The following DOK7 variants were observed in gnomAD, a reference collection of about 807,000 sequenced individuals.
The protein encoded by DOK7 is protein Dok-7.
A neutral mutation model predicts 30.7 loss-of-function variants in DOK7; 32 were observed. The ratio of observed to expected loss-of-function variants is 1.04; its 90% CI spans 0.79 to 1.40. The LOEUF is 1.40. DOK7 is among the 40% of genes most tolerant of loss of function. The pLI, the probability that DOK7 is intolerant of heterozygous loss-of-function variation, is 0.00. For missense variants in DOK7, 1,007 were observed against 699.2 expected (o/e 1.44, Z -4.97); for synonymous variants, 447 against 324.1 (o/e 1.38, Z -4.07).
chr4:3,465,593 C>G (rs551568711), intron 2 of DOK7, among the ~76,000 whole-genome samples: 1 of 152,232 alleles, frequency 6.6e-6, no homozygotes, highest in Non-Finnish European at 1.5e-5. Context: ...CTCCTCCTTG[C>G]GTTTTTCTCA....
intron 2 of DOK7, among the ~76,000 whole-genome samples, chr4:3,466,220 G>T (rs978545979): frequency 6.6e-6 from 1 of 152,170 alleles, no homozygotes; most frequent in African/African-American, 2.4e-5. Flanking sequence ...CCCACAGCTG[G>T]CTGGAAGTTC....
downstream of DOK7, chr4:3,496,849 G>T: frequency 6.5e-7 from 1 of 1,535,264 alleles, no homozygotes; most frequent in Non-Finnish European, 8.7e-7. Context: ...CAGGACCTGC[G>T]ACAGCACATT....
At chr4:3,481,179 C>T (rs1727423931) in intron 4 of DOK7, among the ~76,000 whole-genome samples, 1 of 151,870 alleles carries the variant, frequency 6.6e-6, no homozygotes, top group African/African-American at 2.4e-5. Context: ...TGTTTGTTTG[C>T]ACCATTGTCT....
Position 3,468,839 on chromosome 4 carries a change from GTGTA to G in DOK7, c.101-4563_101-4560del, listed in dbSNP as rs1478452669. The stretch of plus-strand genomic sequence containing the variant: ...GTGTATGCATGGAGTGTGTGTGTGC[GTGTA>G]TGTGTGTGCGCGTATGAGTGTGCAT... On this transcript the variant is annotated intron_variant, in intron 2 of 6. Transcript: ENST00000340083. Among the ~76,000 whole-genome samples, 161 of 150,094 alleles carry G rather than the reference GTGTA, an allele frequency of 1.1e-3. 1 individual carries two copies. The highest frequency in any genetic ancestry group is 2.3e-3 in the Admixed American group (35 of 15,066).
rs745414274 is a variant in DOK7 at position 3,493,275 on chromosome 4, C to G, written c.1289C>G (p.Ala430Gly). 2 of 1,610,692 alleles carry G rather than the reference C, an allele frequency of 1.2e-6. No individual in the cohort carries two copies. Among genetic ancestry groups the G allele is most frequent in the Non-Finnish European group, 1.7e-6 (2 of 1,179,072 alleles). ...TCACAGGGCAGCCCCGGCAACAGTG[C>G]GGCCAGGGACTCAGGCGGCCAGACG... ...PPSQGSPGNS[A>G]ARDSGGQTSA... Residue 430 changes from alanine to glycine, a missense_variant, in exon 7 of 7, where the codon GCG (alanine) becomes GGG (glycine). By Grantham distance (60) the Ala-to-Gly change is moderately conservative. Coordinates refer to ENST00000340083, the MANE Select transcript of DOK7 (RefSeq NM_173660.5).
downstream of DOK7, among the ~76,000 whole-genome samples, chr4:3,497,726 G>A (rs567279834): frequency 6.6e-6 from 1 of 152,164 alleles, no homozygotes; most frequent in African/African-American, 2.4e-5. Flanking sequence ...GGCAGGCCTG[G>A]AGGGGACAGT....
downstream of DOK7, among the ~76,000 whole-genome samples, chr4:3,496,438 G>A (rs1728918274): frequency 6.6e-6 from 1 of 152,260 alleles, no homozygotes; most frequent in African/African-American, 2.4e-5. Flanking sequence ...TCTGAGGTCG[G>A]AGCCCAGACA....
intron 4 of DOK7, 149 bp downstream of exon 4, chr4:3,476,691 C>A: frequency 9.6e-7 from 1 of 1,046,982 alleles, no homozygotes; most frequent in Non-Finnish European, 1.4e-6. Context: ...TCTCCCCACG[C>A]TCGATGTCCA....
chr4:3,494,071 C>CG lies in DOK7; in HGVS notation c.*574dup, dbSNP rs201887908. 48 of 986,872 alleles carry CG rather than the reference C, an allele frequency of 4.9e-5. No individual in the cohort carries two copies. In the East Asian group the frequency reaches 4.6e-3, roughly 95 times the overall value. The allele number at this position is 986,872 out of a possible 1,614,324, so 61.1% of individuals were successfully genotyped here. A position where few individuals can be genotyped will look rare whatever the true frequency, so the allele number is the denominator to read the frequency against. ...GAAGCTCAGGAGGCTGTGTGGCTTGCGGGGTCTCTGGGTTCTGGGCCCCAC... is the reference window on the plus strand; with the variant it reads ...GAAGCTCAGGAGGCTGTGTGGCTTGCGGGGGTCTCTGGGTTCTGGGCCCCAC... On this transcript the variant is annotated 3_prime_UTR_variant, in exon 7 of 7. Transcript: ENST00000340083.
intron 2 of DOK7, among the ~76,000 whole-genome samples, chr4:3,464,380 C>T (rs1726154536): frequency 6.6e-6 from 1 of 152,198 alleles, no homozygotes; most frequent in Non-Finnish European, 1.5e-5. Flanking sequence ...TGGAGGAAAG[C>T]ACTTCCTGCC....
chr4:3,487,774 C>G (rs1209169390), intron 5 of DOK7, among the ~76,000 whole-genome samples: 1 of 152,220 alleles, frequency 6.6e-6, no homozygotes, highest in African/African-American at 2.4e-5. Flanking sequence ...CATCCTGACC[C>G]TGGTGTCACC....
In DOK7 at chr4:3,493,291, C is replaced by G. The variant is rs201894731; in HGVS notation, c.1305C>G (p.Gly435=). ...GCAACAGTGCGGCCAGGGACTCAGG[C>G]GGCCAGACGTCCGCCGGGTGTCCCT... is the stretch of plus-strand genomic sequence containing the variant. The part of the protein sequence containing the change: ...SPGNSAARDS[G]GQTSAGCPSG... The change falls in exon 7 of 7, where the codon GGC becomes GGG. Residue 435 remains glycine (G), a synonymous_variant. Coordinates refer to ENST00000340083, the MANE Select transcript of DOK7 (RefSeq NM_173660.5). 4.4e-6 allele frequency: 7 copies of G among 1,608,480 alleles called. No homozygotes were observed. Among genetic ancestry groups the G allele is most frequent in the Non-Finnish European group, 5.9e-6 (7 of 1,177,974 alleles).
intron 6 of DOK7, among the ~76,000 whole-genome samples, chr4:3,492,242 C>G (rs1728516785): frequency 6.6e-6 from 1 of 151,850 alleles, no homozygotes; most frequent in Non-Finnish European, 1.5e-5. Flanking sequence ...GGCAAGGACG[C>G]CAGCATGGTG....
chr4:3,496,684 G>A (rs796309245), downstream of DOK7: 3 of 893,060 alleles, frequency 3.4e-6, no homozygotes, highest in African/African-American at 3.4e-5. Flanking sequence ...ATGGCGGGCT[G>A]GACTCCCTGC....
chr4:3,500,296 C>G, exon 7 of DOK7: 6 of 1,535,938 alleles, frequency 3.9e-6, no homozygotes, highest in Non-Finnish European at 5.2e-6. Flanking sequence ...CCAGAGAGGC[C>G]GCGCGGCGAG....
At position 3,485,674 on chromosome 4, in the gene DOK7, T is replaced by G; in HGVS notation, c.652+16T>G. The stretch of plus-strand genomic sequence containing the variant: ...GTTCTACCAGGTGCGTGTGGGAGCC[T>G]GGCCGGCCGGGGAGGGTGCGCTCGG... On this transcript the variant is annotated intron_variant, in intron 5 of 6. Transcript: ENST00000340083. 1 of 1,547,508 alleles carries G rather than the reference T, an allele frequency of 6.5e-7. No individual in the cohort carries two copies. The highest frequency in any genetic ancestry group is 1.7e-4 in the Middle Eastern group (1 of 5,856).
At chr4:3,465,138 G>C (rs1190505063) in intron 2 of DOK7, among the ~76,000 whole-genome samples, 2 of 152,152 alleles carry the variant, frequency 1.3e-5, no homozygotes. Flanking sequence ...TTTCTGTGTT[G>C]GTCACTCCAG....
Position 3,494,031 on chromosome 4 carries a change from C to T in DOK7, c.*530C>T, listed in dbSNP as rs1728740381. 1.0e-6 allele frequency: 1 copy of T among 988,822 alleles called. No individual in the cohort carries two copies. The highest frequency in any genetic ancestry group is 1.2e-6 in the Non-Finnish European group (1 of 832,434). The allele number at this position is 988,822 out of a possible 1,614,324, so 61.3% of individuals were successfully genotyped here. A position where few individuals can be genotyped will look rare whatever the true frequency, so the allele number is the denominator to read the frequency against. On this transcript the variant is annotated 3_prime_UTR_variant, in exon 7 of 7. Transcript: ENST00000340083. ...CGTGTGCGCTGGGCCTCATCCCCATCTATGGGAGGAAACTGAAGCTCAGGA... is the reference window on the plus strand; with the variant it reads ...CGTGTGCGCTGGGCCTCATCCCCATTTATGGGAGGAAACTGAAGCTCAGGA...
chr4:3,464,143 C>T (rs1401310365), intron 2 of DOK7, among the ~76,000 whole-genome samples: 2 of 152,140 alleles, frequency 1.3e-5, no homozygotes, highest in East Asian at 1.9e-4. Flanking sequence ...CCGCCTGCAG[C>T]GCTGGGCCTG....
Sources: gnomAD v4.1 joint callset for allele counts (sites outside exome capture counted in the v4.1 genomes callset) on GRCh38, gnomAD v4.1.1 for gene constraint, MANE v1.5 for transcripts, NCBI Gene and HGNC (gene_info 2026-07-23, HGNC 2026-07-21) for gene names.